The following MICU1 variants were observed in gnomAD, a reference collection of about 807,000 sequenced individuals.
MICU1 encodes calcium uptake protein 1, mitochondrial.
A neutral mutation model predicts 56.8 loss-of-function variants in MICU1; 45 were observed. The observed-to-expected ratio is 0.79, with a 90% CI of 0.62 to 1.02. The LOEUF (loss-of-function observed/expected upper bound fraction) is 1.02. MICU1 is among the 50% of genes least tolerant of loss of function. The pLI, the probability that MICU1 is intolerant of heterozygous loss-of-function variation, is 0.00. For missense variants in MICU1, 504 were observed against 587.1 expected (o/e 0.86, Z 1.46); for synonymous variants, 186 against 195.1 (o/e 0.95, Z 0.39).
intron 10 of MICU1, among the ~76,000 whole-genome samples, chr10:72,405,307 C>T (rs1178056800): frequency 6.6e-6 from 1 of 151,418 alleles, no homozygotes; most frequent in Non-Finnish European, 1.5e-5. Flanking sequence ...GCAACCTCCA[C>T]CTCCCAGGTT....
At chr10:72,427,970 T>C (rs1371455019) in intron 8 of MICU1, among the ~76,000 whole-genome samples, 2 of 152,002 alleles carry the variant, frequency 1.3e-5, no homozygotes, top group Non-Finnish European at 2.9e-5. Context: ...ACAAGGAAAG[T>C]TCTCGACTGT....
At chr10:72,569,238 T>TATATATATATA (rs1554890955) in intron 1 of MICU1, among the ~76,000 whole-genome samples, 1 of 29,778 alleles carries the variant, frequency 3.4e-5, no homozygotes, top group African/African-American at 1.0e-4. Context: ...TATATATATA[T>TATATATATATA]TTTTTTTTTT....
Position 72,528,830 on chromosome 10 carries a change from T to C in MICU1, c.537+4916A>G, listed in dbSNP as rs1385145087. 6 of 170,598 alleles carry C rather than the reference T, an allele frequency of 3.5e-5. No homozygotes were observed. The East Asian group carries it at 1.1e-3, about 31-fold the overall frequency. 10.6% of individuals were successfully genotyped at this position (170,598 alleles called of 1,614,324 possible). A position where few individuals can be genotyped will look rare whatever the true frequency, so the allele number is the denominator to read the frequency against. On this transcript the variant is annotated intron_variant, in intron 5 of 11. Coordinates refer to ENST00000361114, the MANE Select transcript of MICU1 (RefSeq NM_001195518.2). ...GAATAAAGCACGAAGAAGTATTACA[T>C]TATAGGAAAAAATGTGTTCATATTC...
chr10:72,519,727 T>C (rs1007732122), intron 5 of MICU1, among the ~76,000 whole-genome samples: 12 of 152,184 alleles, frequency 7.9e-5, no homozygotes, highest in African/African-American at 2.9e-4. Context: ...TTGGTAATTT[T>C]GCCTTCTGGG....
At chr10:72,533,478 G>A (rs1839545784) in intron 5 of MICU1, among the ~76,000 whole-genome samples, 1 of 152,104 alleles carries the variant, frequency 6.6e-6, no homozygotes, top group African/African-American at 2.4e-5. Flanking sequence ...GATGACTATT[G>A]AGTTAACATT....
intron 8 of MICU1, among the ~76,000 whole-genome samples, chr10:72,449,082 G>A (rs902136746): frequency 3.3e-5 from 5 of 152,070 alleles, no homozygotes; most frequent in African/African-American, 1.2e-4. Flanking sequence ...ACAGGCATTT[G>A]CCACCATGAC....
At chr10:72,441,407 G>A (rs1471038417) in intron 8 of MICU1, among the ~76,000 whole-genome samples, 4 of 151,396 alleles carry the variant, frequency 2.6e-5, no homozygotes, top group Non-Finnish European at 5.9e-5. Context: ...GCCTGTTGGG[G>A]GGTGGGGGGC....
chr10:72,578,267 T>G (rs1840802382), intron 1 of MICU1, among the ~76,000 whole-genome samples: 1 of 151,162 alleles, frequency 6.6e-6, no homozygotes, highest in South Asian at 2.1e-4. Context: ...CAATAAAGAT[T>G]TTTTTTTTGA....
chr10:72,456,948 T>TGTGTGTGTGTGGGG (rs1476740822), intron 8 of MICU1, among the ~76,000 whole-genome samples: 3 of 36,376 alleles, frequency 8.2e-5, no homozygotes, highest in African/African-American at 2.7e-4. Flanking sequence ...ATTGCCCAGG[T>TGTGTGTGTGTGGGG]GTGTGTGTGT....
intron 10 of MICU1, among the ~76,000 whole-genome samples, chr10:72,383,237 C>A (rs1259338125): frequency 1.4e-5 from 2 of 140,072 alleles, no homozygotes; most frequent in East Asian, 1.9e-4. Flanking sequence ...CAGAGCAAGA[C>A]CCTGTCTCAA....
chr10:72,594,784 C>T (rs1389219682), intron 1 of MICU1, among the ~76,000 whole-genome samples: 1 of 151,690 alleles, frequency 6.6e-6, no homozygotes, highest in Non-Finnish European at 1.5e-5. Flanking sequence ...TGATGGTGCA[C>T]CTGTAGTCCC....
chr10:72,623,300 C>CAAAA (rs1164753291), intron 1 of MICU1, among the ~76,000 whole-genome samples: 583 of 55,570 alleles, frequency 0.01, 32 homozygotes, highest in Non-Finnish European at 0.012. Flanking sequence ...GACTCCGTCT[C>CAAAA]AAAAAAAAAA....
intron 10 of MICU1, among the ~76,000 whole-genome samples, chr10:72,389,731 T>C (rs1007092332): frequency 6.6e-6 from 1 of 152,240 alleles, no homozygotes; most frequent in African/African-American, 2.4e-5. Context: ...TGGAGCTTTA[T>C]TGTACCTGGA....
intron 1 of MICU1, among the ~76,000 whole-genome samples, chr10:72,582,435 A>G (rs917859000): frequency 1.3e-5 from 2 of 152,160 alleles, no homozygotes; most frequent in African/African-American, 2.4e-5. Flanking sequence ...AAGATAAAAC[A>G]ACTATTCAAA....
At chr10:72,613,838 T>C (rs1841913430) in intron 1 of MICU1, among the ~76,000 whole-genome samples, 1 of 152,062 alleles carries the variant, frequency 6.6e-6, no homozygotes, top group South Asian at 2.1e-4. Context: ...ACTCTAGTTT[T>C]TGTTGTGTTA....
intron 4 of MICU1, among the ~76,000 whole-genome samples, chr10:72,550,209 T>C (rs1235247280): frequency 2.0e-5 from 3 of 152,194 alleles, no homozygotes; most frequent in African/African-American, 7.2e-5. Flanking sequence ...TTATACCATA[T>C]TTTTACTATA....
intron 8 of MICU1, among the ~76,000 whole-genome samples, chr10:72,452,841 A>G (rs1297321143): frequency 6.6e-6 from 1 of 152,192 alleles, no homozygotes; most frequent in East Asian, 1.9e-4. Flanking sequence ...CTAAAATCAT[A>G]TAACTGTTAC....
chr10:72,449,288 C>T (rs935380572), intron 8 of MICU1, among the ~76,000 whole-genome samples: 7 of 152,098 alleles, frequency 4.6e-5, no homozygotes, highest in African/African-American at 1.7e-4. Flanking sequence ...ATCCCAGCCA[C>T]TCAGGAGGCT....
chr10:72,370,341 TC>T (rs1309269790), intron 11 of MICU1, among the ~76,000 whole-genome samples: 2 of 152,106 alleles, frequency 1.3e-5, no homozygotes, highest in Non-Finnish European at 1.5e-5. Context: ...CAAACCTACC[TC>T]TACTCATGAT....
Sources: allele counts gnomAD v4.1 joint callset (sites outside exome capture counted in the v4.1 genomes callset), GRCh38; gene constraint gnomAD v4.1.1; transcripts MANE v1.5; gene names NCBI Gene and HGNC (gene_info 2026-07-23, HGNC 2026-07-21).